ADAMTS16: variants seen among roughly 807,000 people sequenced by gnomAD.
ADAMTS16 encodes the protein A disintegrin and metalloproteinase with thrombospondin motifs 16.
In ADAMTS16, 94 loss-of-function variants were observed where a neutral mutation model predicts 145.8. That is an observed-to-expected ratio of 0.64 (90% CI 0.55 to 0.77). The LOEUF (loss-of-function observed/expected upper bound fraction) is 0.77, where lower values mean the gene tolerates loss of function less well. Ranked by LOEUF, ADAMTS16 falls within the 30% of genes least tolerant of loss-of-function variation. The pLI, the probability that ADAMTS16 is intolerant of heterozygous loss-of-function variation, is 0.00. For synonymous variants in ADAMTS16, 659 were observed against 604.3 expected, an observed-to-expected ratio of 1.09 and a Z score of -1.33; for missense variants, 1,585 against 1,591.5, an observed-to-expected ratio of 1.00 and a Z score of 0.07.
intron 3 of ADAMTS16, among the ~76,000 whole-genome samples, chr5:5,163,394 C>G (rs575886239): frequency 2.0e-5 from 3 of 152,276 alleles, no homozygotes; most frequent in South Asian, 4.1e-4. Context: ...ACAATTTGAG[C>G]TAGCATCCTG....
At chr5:5,256,870 A>AT (rs1737801118) in intron 17 of ADAMTS16, among the ~76,000 whole-genome samples, 3 of 152,228 alleles carry the variant, frequency 2.0e-5, no homozygotes, top group Admixed American at 6.5e-5. Flanking sequence ...GAATTAAAAA[A>AT]TGGACTTTAA....
chr5:5,302,124 C>T lies in ADAMTS16; in HGVS notation c.2790-1144C>T, dbSNP rs145977252. Reference sequence around the variant, plus strand: ...CTCTTGACGGCCTCTCCAGGGTGCACACCAAGCCCTCCTGCAGATGGGCTT... The same window carrying T: ...CTCTTGACGGCCTCTCCAGGGTGCATACCAAGCCCTCCTGCAGATGGGCTT... On this transcript the variant is annotated intron_variant, in intron 18 of 22. Coordinates refer to ENST00000274181, the MANE Select transcript of ADAMTS16 (RefSeq NM_139056.4). Among the ~76,000 whole-genome samples, 12 of 152,246 alleles carry T rather than the reference C, an allele frequency of 7.9e-5. No homozygotes were observed. The East Asian group carries it at 2.3e-3, about 29-fold the overall frequency.
intron 10 of ADAMTS16, among the ~76,000 whole-genome samples, chr5:5,219,529 C>T (rs1292631952): frequency 4.6e-5 from 7 of 152,246 alleles, no homozygotes; most frequent in East Asian, 1.9e-4. Flanking sequence ...AGTTTTTATT[C>T]GTTTGTATGG....
chr5:5,300,769 A>G (rs1247012416), intron 18 of ADAMTS16, among the ~76,000 whole-genome samples: 3 of 152,302 alleles, frequency 2.0e-5, no homozygotes, highest in Middle Eastern at 3.4e-3. Flanking sequence ...GAAGAGTCCA[A>G]ACCTTGGCTC....
chr5:5,308,618 C>T (rs1247109799), intron 21 of ADAMTS16, among the ~76,000 whole-genome samples: 4 of 152,198 alleles, frequency 2.6e-5, no homozygotes, highest in African/African-American at 9.6e-5. Context: ...GACACGCTTC[C>T]CATCCCATTG....
At chr5:5,216,372 C>A (rs1020413679) in intron 10 of ADAMTS16, among the ~76,000 whole-genome samples, 30 of 147,072 alleles carry the variant, frequency 2.0e-4, no homozygotes, top group African/African-American at 7.7e-4. Context: ...TGTCCTTAGC[C>A]CATTTTTTTT....
chr5:5,142,014 T>C (rs1319480241), intron 2 of ADAMTS16: 1 of 151,972 alleles, frequency 6.6e-6, no homozygotes. Flanking sequence ...AGTTAATTCT[T>C]ACAATTTTAA....
At chr5:5,247,931 C>T (rs549602554) in intron 17 of ADAMTS16, among the ~76,000 whole-genome samples, 26 of 152,242 alleles carry the variant, frequency 1.7e-4, no homozygotes, top group African/African-American at 4.6e-4. Context: ...CACTTAAATA[C>T]ACTGGGAACC....
At chr5:5,146,541 C>A in intron 3 of ADAMTS16, 86 bp downstream of exon 3, 1 of 1,352,020 alleles carries the variant, frequency 7.4e-7, no homozygotes, top group African/African-American at 1.5e-5. Context: ...CTCGATTTCG[C>A]ATAGATGTTC....
intron 17 of ADAMTS16, among the ~76,000 whole-genome samples, chr5:5,256,937 A>G (rs1737803873): frequency 6.6e-6 from 1 of 152,242 alleles, no homozygotes; most frequent in Non-Finnish European, 1.5e-5. Flanking sequence ...TATTCATTAG[A>G]CTTCTAACAG....
At chr5:5,185,471 A>C (rs1472607193) in intron 4 of ADAMTS16, among the ~76,000 whole-genome samples, 2 of 152,246 alleles carry the variant, frequency 1.3e-5, no homozygotes, top group Non-Finnish European at 2.9e-5. Context: ...TTGTCTTCTA[A>C]TCAAATACAT....
At chr5:5,260,485 T>G (rs985963712) in intron 17 of ADAMTS16, among the ~76,000 whole-genome samples, 2 of 152,244 alleles carry the variant, frequency 1.3e-5, no homozygotes, top group Admixed American at 6.5e-5. Flanking sequence ...GAGCACCATG[T>G]GCAAACCACT....
rs992157260 is a variant in ADAMTS16 at position 5,140,784 on chromosome 5, G to A, written c.175+18G>A. ...AAAGGGCGGTAAGTCCGTGAGGTGG[G>A]GGCTTCTAATCCTTGCCATTTAGCA... On this transcript the variant is annotated intron_variant, in intron 2 of 22. Coordinates refer to ENST00000274181, the MANE Select transcript of ADAMTS16 (RefSeq NM_139056.4). The A allele has an allele frequency of 6.5e-7, 1 of 1,543,674 alleles. No homozygotes were observed. The highest frequency in any genetic ancestry group is 8.7e-7 in the Non-Finnish European group (1 of 1,144,116).
chr5:5,162,982 A>G (rs915417160), intron 3 of ADAMTS16, among the ~76,000 whole-genome samples: 1 of 152,110 alleles, frequency 6.6e-6, no homozygotes, highest in Non-Finnish European at 1.5e-5. Flanking sequence ...CAACAGCATT[A>G]TTTCCATTTA....
Position 5,260,172 on chromosome 5 carries a change from T to G in ADAMTS16, c.2663-2485T>G, listed in dbSNP as rs570536316. 7.2e-5 allele frequency among the ~76,000 whole-genome samples: 11 copies of G among 151,952 alleles called. 1 individual carries two copies. Among genetic ancestry groups the G allele is most frequent in the African/African-American group, 2.7e-4 (11 of 41,246 alleles). Reference sequence around the variant, plus strand: ...TAGTGGTTTAAATCTTGTACTTTCATAGAAATATTCTTCTTCAAGAGGCTG... The same window carrying G: ...TAGTGGTTTAAATCTTGTACTTTCAGAGAAATATTCTTCTTCAAGAGGCTG... On this transcript the variant is annotated intron_variant, in intron 17 of 22. Transcript: ENST00000274181.
intron 18 of ADAMTS16, among the ~76,000 whole-genome samples, chr5:5,274,045 C>T (rs1186375866): frequency 1.3e-5 from 2 of 151,966 alleles, no homozygotes; most frequent in African/African-American, 4.8e-5. Context: ...TTTTAAAGAC[C>T]TTTTTTTCCA....
In ADAMTS16 at chr5:5,190,088, C is replaced by T. The variant is rs1396014555; in HGVS notation, c.1165C>T (p.Leu389=). ...RHDHAILLTG[L]DICSWKNEPC... ...TGACCACGCCATCTTACTGACTGGT[C>T]TGGATATATGTTCCTGGAAGAATGA... Residue 389 remains leucine, a synonymous_variant, in exon 7 of 23, where the codon CTG becomes TTG. Coordinates refer to ENST00000274181, the MANE Select transcript of ADAMTS16 (RefSeq NM_139056.4). The T allele has an allele frequency of 6.2e-7, 1 of 1,611,368 alleles. No individual in the cohort carries two copies. Among genetic ancestry groups the T allele is most frequent in the Non-Finnish European group, 8.5e-7 (1 of 1,178,968 alleles).
rs781085397 is a variant in ADAMTS16 at position 5,191,797 on chromosome 5, G to T, written c.1313+7G>T. ...CCCATGAGTCTGGACACAAGTAAGT[G>T]CATCTCCATGGGAGGATGGCATCCC... On this transcript the variant is annotated splice_region_variant and intron_variant, in intron 8 of 22. Transcript: ENST00000274181. 1 of 1,599,002 alleles carries T rather than the reference G, an allele frequency of 6.3e-7. No homozygotes were observed. Among genetic ancestry groups the T allele is most frequent in the Non-Finnish European group, 8.5e-7 (1 of 1,171,594 alleles).
chr5:5,294,816 G>A (rs1739466844), intron 18 of ADAMTS16, among the ~76,000 whole-genome samples: 1 of 152,128 alleles, frequency 6.6e-6, no homozygotes. Flanking sequence ...AGGAAGGGCA[G>A]GTGACAGGAA....
Sources: allele counts gnomAD v4.1 joint callset (sites outside exome capture counted in the v4.1 genomes callset), GRCh38; gene constraint gnomAD v4.1.1; transcripts MANE v1.5; gene names NCBI Gene and HGNC (gene_info 2026-07-23, HGNC 2026-07-21).